The following NIPAL3 variants were observed in gnomAD, a reference collection of about 807,000 sequenced individuals.
NIPAL3 encodes NIPA like domain containing 3.
Under a neutral mutation model 47.2 loss-of-function variants are expected in NIPAL3, and 41 were observed. That is an observed-to-expected ratio of 0.87 (90% confidence interval 0.68 to 1.13). The LOEUF (loss-of-function observed/expected upper bound fraction) is 1.13. NIPAL3 is among the 50% of genes most tolerant of loss of function. The pLI is 0.00. For synonymous variants in NIPAL3, 194 were observed against 209.6 expected (o/e 0.93, Z 0.64); for missense variants, 449 against 530.1 (o/e 0.85, Z 1.50).
intron 9 of NIPAL3, among the ~76,000 whole-genome samples, chr1:24,460,034 A>G (rs1646398809): frequency 6.6e-6 from 1 of 152,254 alleles, no homozygotes; most frequent in African/African-American, 2.4e-5. Context: ...CTCTAACAGC[A>G]TAAGCACAAA....
rs577827439 is a variant in NIPAL3, at chr1:24,442,999, T to G, written c.334+773T>G. On this transcript the variant is annotated intron_variant, in intron 4 of 11. Coordinates refer to ENST00000374399, the MANE Select transcript of NIPAL3 (RefSeq NM_020448.5). ...AAAAACAAATTAAGCTTTTGTAGGG[T>G]TTGGGGCCAGGCCAGGCTGGTCTCA... Among the ~76,000 whole-genome samples, 4 of 152,034 alleles carry G rather than the reference T, an allele frequency of 2.6e-5. No homozygotes were observed. In the South Asian group the frequency reaches 8.3e-4, roughly 32 times the overall value.
intron 2 of NIPAL3, among the ~76,000 whole-genome samples, chr1:24,423,189 G>A (rs1037087911): frequency 6.6e-6 from 1 of 152,210 alleles, no homozygotes; most frequent in Non-Finnish European, 1.5e-5. Flanking sequence ...ATTCTGTGAA[G>A]GAACCAGAAC....
rs1646091977 is a variant in NIPAL3 at position 24,454,315 on chromosome 1, CTT to C, written c.637+812_637+813del. On this transcript the variant is annotated intron_variant, in intron 7 of 11. Transcript: ENST00000374399. This position sits in a 1 kb window ranked among gnomAD's most constrained non-coding sequence, Gnocchi z 4.1. Reference sequence around the variant, plus strand: ...TGGTGAAGCCTGCTACCGCGCTGCTCTTGAGTGGCCTCAGGCTAATGACCCTC... The same window carrying C: ...TGGTGAAGCCTGCTACCGCGCTGCTCGAGTGGCCTCAGGCTAATGACCCTC... 1.8e-6 allele frequency: 2 copies of C among 1,131,308 alleles called. No homozygotes were observed. Among genetic ancestry groups the C allele is most frequent in the Non-Finnish European group, 2.2e-6 (2 of 914,364 alleles). The allele number at this position is 1,131,308 out of a possible 1,614,324, so 70.1% of individuals were successfully genotyped here. A position where few individuals can be genotyped will look rare whatever the true frequency, so the allele number is the denominator to read the frequency against.
chr1:24,437,132 G>A (rs545106694), intron 2 of NIPAL3, among the ~76,000 whole-genome samples: 5 of 152,048 alleles, frequency 3.3e-5, no homozygotes, highest in Admixed American at 2.0e-4. Context: ...GGCGCCTGTA[G>A]TCCCAGCTAC....
intron 2 of NIPAL3, among the ~76,000 whole-genome samples, chr1:24,434,274 C>A (rs972243514): frequency 6.6e-6 from 1 of 151,800 alleles, no homozygotes; most frequent in Non-Finnish European, 1.5e-5. Context: ...ATGTAAATAA[C>A]CAAAGGAGAG....
At position 24,470,936 on chromosome 1, in the gene NIPAL3, C is replaced by G. The variant is rs1646880375; in HGVS notation, c.*1751C>G. The G allele has an allele frequency of 1.3e-5, 2 of 152,312 alleles. No individual in the cohort carries two copies. The highest frequency in any genetic ancestry group is 4.1e-4 in the South Asian group (2 of 4,830). 9.4% of individuals were successfully genotyped at this position (152,312 alleles called of 1,614,324 possible). A position where few individuals can be genotyped will look rare whatever the true frequency, so the allele number is the denominator to read the frequency against. ...CTGTGTGCTAAGCATTTGGAAGACC[C>G]AGGCTACAAAATAAGACATAGTTCC... On this transcript the variant is annotated 3_prime_UTR_variant, in exon 12 of 12. Coordinates refer to ENST00000374399, the MANE Select transcript of NIPAL3 (RefSeq NM_020448.5).
chr1:24,468,130 A>T (rs1388990393), intron 11 of NIPAL3, among the ~76,000 whole-genome samples: 1 of 151,030 alleles, frequency 6.6e-6, no homozygotes, highest in Non-Finnish European at 1.5e-5. Context: ...ACATGCTGAA[A>T]CCCCATCTCT....
intron 2 of NIPAL3, among the ~76,000 whole-genome samples, chr1:24,432,024 T>C (rs1644903122): frequency 1.3e-5 from 2 of 152,086 alleles, no homozygotes. Flanking sequence ...ATGTATGTTA[T>C]GTGAGGACAA....
intron 10 of NIPAL3, among the ~76,000 whole-genome samples, 170 bp from the exon 11 acceptor site, chr1:24,463,856 C>A (rs1054422172): frequency 1.3e-5 from 2 of 151,868 alleles, no homozygotes; most frequent in African/African-American, 2.4e-5. Context: ...TGCATCTGCC[C>A]CTGCTGATCC....
At chr1:24,429,588 G>A (rs543030611) in intron 2 of NIPAL3, among the ~76,000 whole-genome samples, 391 of 152,300 alleles carry the variant, frequency 2.6e-3, no homozygotes, top group Non-Finnish European at 4.6e-3. Flanking sequence ...ACCGGAAGAG[G>A]TTCAGAGAGC....
intron 5 of NIPAL3, among the ~76,000 whole-genome samples, chr1:24,445,990 A>T (rs757793790): frequency 3.3e-5 from 5 of 152,020 alleles, no homozygotes; most frequent in Non-Finnish European, 7.4e-5. Flanking sequence ...CAAAACACCT[A>T]CTAAGTCCCA....
rs76324848 is a variant in NIPAL3 at position 24,440,296 on chromosome 1, G to A, written c.162+56G>A. The A allele has an allele frequency of 6.0e-3, 8,433 of 1,415,816 alleles. 308 individuals carry two copies. The African/African-American group carries it at 0.088, about 15-fold the overall frequency. The allele number at this position is 1,415,816 out of a possible 1,614,324, so 87.7% of individuals were successfully genotyped here. On this transcript the variant is annotated intron_variant, in intron 3 of 11. Transcript: ENST00000374399. ...ACAGAGACACAGCAGACAAGTCAGG[G>A]TGTCTTATCCAGGTCCAGCTGCCTC...
At chr1:24,435,532 C>A (rs1364103936) in intron 2 of NIPAL3, among the ~76,000 whole-genome samples, 6 of 152,186 alleles carry the variant, frequency 3.9e-5, no homozygotes, top group African/African-American at 1.4e-4. Flanking sequence ...CAATCTAGTT[C>A]AGATTAACAC....
At chr1:24,450,855 A>G (rs1250433581) in intron 6 of NIPAL3, among the ~76,000 whole-genome samples, 4 of 152,178 alleles carry the variant, frequency 2.6e-5, no homozygotes, top group Non-Finnish European at 5.9e-5. Context: ...TTTTCCTCAG[A>G]TTATCCACAA....
upstream of NIPAL3, chr1:24,415,121 G>A (rs1643958694): frequency 6.6e-6 from 1 of 152,200 alleles, no homozygotes; most frequent in Admixed American, 6.5e-5. Context: ...GCGTGTATAT[G>A]ACAACGTGTG....
chr1:24,440,769 C>T (rs1003779015), intron 3 of NIPAL3, among the ~76,000 whole-genome samples: 4 of 152,098 alleles, frequency 2.6e-5, no homozygotes, highest in African/African-American at 9.7e-5. Flanking sequence ...TTGGGGTGTG[C>T]ACTGGGGGAG....
chr1:24,470,348 A>G lies in NIPAL3; in HGVS notation c.*1163A>G, dbSNP rs12117331. ...ATGGGCATAAGGATCCCCTAGAAGC[A>G]TATGTAAAATGCAGATTCCTGCACC... On this transcript the variant is annotated 3_prime_UTR_variant, in exon 12 of 12. Coordinates refer to ENST00000374399, the MANE Select transcript of NIPAL3 (RefSeq NM_020448.5). 32,914 of 152,130 alleles carry G rather than the reference A, an allele frequency of 0.22. 3,674 individuals are homozygous for G. Among genetic ancestry groups the G allele is most frequent in the Admixed American group, 0.27 (4,052 of 15,288 alleles). 9.4% of individuals were successfully genotyped at this position (152,130 alleles called of 1,614,324 possible).
chr1:24,454,031 C>CTTTTT lies in NIPAL3; in HGVS notation c.637+538_637+542dup. The CTTTTT allele has an allele frequency of 1.1e-5, 5 of 441,570 alleles. No homozygotes were observed. The highest frequency in any genetic ancestry group is 7.5e-5 in the East Asian group (1 of 13,344). 27.4% of individuals were successfully genotyped at this position (441,570 alleles called of 1,614,324 possible). ...GGCTAGAACTGCATATTAATTTTTCCTTTTTTTTTTTTTTTGAGACAGTCT... is the reference window on the plus strand; with the variant it reads ...GGCTAGAACTGCATATTAATTTTTCCTTTTTTTTTTTTTTTTTTTTGAGACAGTCT... On this transcript the variant is annotated intron_variant, in intron 7 of 11. Transcript: ENST00000374399. This position sits in a 1 kb window ranked among gnomAD's most constrained non-coding sequence, Gnocchi z 4.1.
intron 11 of NIPAL3, among the ~76,000 whole-genome samples, chr1:24,466,588 C>T (rs1646706596): frequency 6.6e-6 from 1 of 152,200 alleles, no homozygotes; most frequent in Non-Finnish European, 1.5e-5. Flanking sequence ...CCCCAAAAAT[C>T]ACCTAGTCCA....
Sources: allele counts gnomAD v4.1 joint callset (sites outside exome capture counted in the v4.1 genomes callset), GRCh38; gene constraint gnomAD v4.1.1; non-coding constraint Gnocchi (gnomAD v3.1); transcripts MANE v1.5; gene names NCBI Gene and HGNC (gene_info 2026-07-23, HGNC 2026-07-21).